TIAM2: variants seen among roughly 807,000 people sequenced by gnomAD.
TIAM2 encodes rho guanine nucleotide exchange factor TIAM2.
TIAM2 carries 80 observed loss-of-function variants against 152.9 expected under a neutral mutation model. The observed-to-expected ratio is 0.52, with a 90% CI of 0.44 to 0.63. The LOEUF (loss-of-function observed/expected upper bound fraction) is 0.63, where lower values mean the gene tolerates loss of function less well. TIAM2 is among the 30% of genes least tolerant of loss of function. The pLI is 0.00. For missense variants in TIAM2, 1,965 were observed against 2,120.1 expected (o/e 0.93, Z 1.44); for synonymous variants, 804 against 838.0 (o/e 0.96, Z 0.70).
intron 1 of TIAM2, among the ~76,000 whole-genome samples, chr6:155,066,949 G>C: frequency 6.6e-6 from 1 of 152,074 alleles, no homozygotes; most frequent in Non-Finnish European, 1.5e-5. Context: ...TAGAGACAGG[G>C]TTTTGCTATA....
chr6:155,025,841 C>T (rs1282905521), intron 1 of TIAM2, among the ~76,000 whole-genome samples: 3 of 105,748 alleles, frequency 2.8e-5, no homozygotes, highest in Non-Finnish European at 6.1e-5. Context: ...CACACACACA[C>T]ACACACACAC....
intron 15 of TIAM2, among the ~76,000 whole-genome samples, chr6:155,239,751 G>C (rs1218848906): frequency 1.3e-5 from 2 of 152,164 alleles, no homozygotes; most frequent in Admixed American, 1.3e-4. Flanking sequence ...GCCTGGCCCT[G>C]GCTCCCTGCT....
chr6:155,170,396 G>A (rs1780556366), intron 9 of TIAM2, among the ~76,000 whole-genome samples: 1 of 152,182 alleles, frequency 6.6e-6, no homozygotes, highest in African/African-American at 2.4e-5. Flanking sequence ...TTGGGAGGCT[G>A]AGTCAGGTGG....
chr6:155,168,370 A>AT (rs1780494853), intron 9 of TIAM2, among the ~76,000 whole-genome samples: 1 of 151,902 alleles, frequency 6.6e-6, no homozygotes, highest in Non-Finnish European at 1.5e-5. Flanking sequence ...TTATTTATTT[A>AT]TTTATTTGAT....
intron 14 of TIAM2, among the ~76,000 whole-genome samples, chr6:155,202,489 A>G (rs1259433894): frequency 6.6e-6 from 1 of 152,166 alleles, no homozygotes; most frequent in Non-Finnish European, 1.5e-5. Flanking sequence ...CACAATCACA[A>G]GCCACTGCAG....
At chr6:155,193,628 A>G (rs562819924) in intron 14 of TIAM2, among the ~76,000 whole-genome samples, 1 of 152,338 alleles carries the variant, frequency 6.6e-6, no homozygotes, top group East Asian at 1.9e-4. Flanking sequence ...CGCTCCCAAC[A>G]CAGTTGTACA....
chr6:155,013,037 T>C (rs2475872), intron 1 of TIAM2, among the ~76,000 whole-genome samples: 3,301 of 152,188 alleles, frequency 0.022, 66 homozygotes, highest in Non-Finnish European at 0.035. Flanking sequence ...GTCTGGCCAT[T>C]ATGCTCGGGC....
Position 155,065,652 on chromosome 6 carries a change from T to C in TIAM2, c.-208-24637T>C, listed in dbSNP as rs562728350. 8.5e-5 allele frequency among the ~76,000 whole-genome samples: 13 copies of C among 152,180 alleles called. No homozygotes were observed. The South Asian group carries it at 1.7e-3, about 19-fold the overall frequency. ...AATTAGCCAGGTGTGGTGGTGACTGTAGTGCCAGCTCCATGGGAGGCTGAG... is the reference window on the plus strand; with the variant it reads ...AATTAGCCAGGTGTGGTGGTGACTGCAGTGCCAGCTCCATGGGAGGCTGAG... On this transcript the variant is annotated intron_variant, in intron 1 of 26. Coordinates refer to ENST00000682666, the MANE Select transcript of TIAM2 (RefSeq NM_012454.4).
chr6:155,008,196 G>A (rs575355680), intron 1 of TIAM2, among the ~76,000 whole-genome samples: 1 of 152,138 alleles, frequency 6.6e-6, no homozygotes, highest in Non-Finnish European at 1.5e-5. Context: ...ATTTCTGTGT[G>A]TGATAGATGA....
chr6:155,137,126 T>G, intron 4 of TIAM2, 51 bp from the exon 5 acceptor site: 1 of 1,569,380 alleles, frequency 6.4e-7, no homozygotes, highest in African/African-American at 1.4e-5. Context: ...CAAGAAGGGA[T>G]GCTTTGGATA....
chr6:155,104,048 C>A lies in TIAM2; in HGVS notation c.-118+13669C>A, dbSNP rs1288780515. On this transcript the variant is annotated intron_variant, in intron 2 of 26. Transcript: ENST00000682666. ...TTACCTCACACACACACACCCCCCC[C>A]CCCACACCCCCACACACCCCCACAC... Among the ~76,000 whole-genome samples the A allele has an allele frequency of 1.0e-4, 9 of 89,014 alleles. 1 individual carries two copies. The highest frequency in any genetic ancestry group is 1.5e-4 in the African/African-American group (3 of 20,646). The allele number at this position is 89,014 out of a possible 152,430, so 58.4% of individuals were successfully genotyped here.
intron 7 of TIAM2, among the ~76,000 whole-genome samples, chr6:155,150,320 C>T (rs3792958): frequency 0.49 from 73,936 of 151,986 alleles, 18,188 homozygotes; most frequent in Middle Eastern, 0.56. Context: ...CTAAAATGAT[C>T]GAAGTTAGGT....
intron 1 of TIAM2, among the ~76,000 whole-genome samples, chr6:155,065,798 T>C (rs947331356): frequency 3.9e-5 from 6 of 152,108 alleles, no homozygotes. Context: ...TACATGTGAA[T>C]AAAAATAATG....
In TIAM2 at chr6:155,236,783, C is replaced by T. The variant is rs376756839; in HGVS notation, c.3169-3747C>T. Among the ~76,000 whole-genome samples, 8 of 152,306 alleles carry T rather than the reference C, an allele frequency of 5.3e-5. No homozygotes were observed. The South Asian group carries it at 1.7e-3, about 32-fold the overall frequency. On this transcript the variant is annotated intron_variant, in intron 15 of 26. Coordinates refer to ENST00000682666, the MANE Select transcript of TIAM2 (RefSeq NM_012454.4). ...ATCTTGTGAGATCTATTCACTATTACAAGAACAGCATGGGAAAGGCCCACC... is the reference window on the plus strand; with the variant it reads ...ATCTTGTGAGATCTATTCACTATTATAAGAACAGCATGGGAAAGGCCCACC...
intron 15 of TIAM2, among the ~76,000 whole-genome samples, chr6:155,221,305 AT>A (rs1447714220): frequency 6.6e-6 from 1 of 152,120 alleles, no homozygotes; most frequent in Non-Finnish European, 1.5e-5. Flanking sequence ...TGGCTCTGAA[AT>A]TAACTTGCTG....
chr6:154,999,924 G>A (rs2475862), intron 1 of TIAM2, among the ~76,000 whole-genome samples: 1 of 151,872 alleles, frequency 6.6e-6, no homozygotes, highest in Non-Finnish European at 1.5e-5. Flanking sequence ...TGATCCGCCC[G>A]CCTCGGCCTC....
At chr6:155,220,714 A>G (rs1782012748) in intron 15 of TIAM2, among the ~76,000 whole-genome samples, 1 of 152,222 alleles carries the variant, frequency 6.6e-6, no homozygotes, top group Non-Finnish European at 1.5e-5. Flanking sequence ...CAAAAAGAAG[A>G]CATCGTTTTA....
chr6:155,105,258 C>T (rs1778654686), intron 2 of TIAM2, among the ~76,000 whole-genome samples: 1 of 152,224 alleles, frequency 6.6e-6, no homozygotes, highest in African/African-American at 2.4e-5. Flanking sequence ...CTCCCGAGTT[C>T]TCCCACTTCA....
chr6:155,147,013 A>C (rs1325603393), intron 6 of TIAM2, among the ~76,000 whole-genome samples: 1 of 152,072 alleles, frequency 6.6e-6, no homozygotes. Flanking sequence ...TACAGGCATG[A>C]GCCACTGTGC....
Sources: allele counts gnomAD v4.1 joint callset (sites outside exome capture counted in the v4.1 genomes callset), GRCh38; gene constraint gnomAD v4.1.1; transcripts MANE v1.5; gene names NCBI Gene and HGNC (gene_info 2026-07-23, HGNC 2026-07-21).